ZNFX1: variants seen among roughly 807,000 people sequenced by gnomAD.
The protein encoded by ZNFX1 is NFX1-type zinc finger-containing protein 1.
A neutral mutation model predicts 179.8 loss-of-function variants in ZNFX1; 78 were observed. The ratio of observed to expected loss-of-function variants is 0.43; its 90% CI spans 0.36 to 0.52. ZNFX1 has a LOEUF of 0.52. Among genes scored for constraint, ZNFX1 ranks in the 20% least tolerant of loss-of-function variants. ZNFX1 has a pLI of 0.00. For synonymous variants in ZNFX1, 848 were observed against 868.5 expected, an observed-to-expected ratio of 0.98 and a Z score of 0.42; for missense variants, 1,927 against 2,386.6, an observed-to-expected ratio of 0.81 and a Z score of 4.01.
chr20:49,277,599 G>C (rs972722058), intron 1 of ZNFX1, among the ~76,000 whole-genome samples: 1 of 151,646 alleles, frequency 6.6e-6, no homozygotes, highest in African/African-American at 2.4e-5. Flanking sequence ...GGTGTCGGGG[G>C]TGCTGGGGAG....
chr20:49,271,695 T>G lies in ZNFX1; in HGVS notation c.117A>C (p.Pro39=). Residue 39 remains proline, a synonymous_variant, in exon 3 of 14, where the codon CCA becomes CCC. Transcript: ENST00000396105. ...PRARNQANNP[P]ANALRGGASH... is the part of the protein sequence containing the mutation. ...TGGCTCCTCCTCGGAGAGCATTGGC[T>G]GGTGGGTTATTGGCCTGATTTCTAG... is the stretch of plus-strand genomic sequence containing the variant. The G allele has an allele frequency of 1.2e-6, 2 of 1,613,722 alleles. No individual in the cohort carries two copies. Among genetic ancestry groups the G allele is most frequent in the Non-Finnish European group, 8.5e-7 (1 of 1,179,860 alleles).
chr20:49,259,722 C>A (rs559931069), intron 7 of ZNFX1, among the ~76,000 whole-genome samples: 2 of 152,328 alleles, frequency 1.3e-5, no homozygotes, highest in African/African-American at 4.8e-5. Context: ...GGCCACTATG[C>A]CCGGCTAACT....
At chr20:49,250,488 TTTA>T (rs1297425264) in intron 13 of ZNFX1, among the ~76,000 whole-genome samples, 3 of 152,206 alleles carry the variant, frequency 2.0e-5, no homozygotes, top group Non-Finnish European at 2.9e-5. Flanking sequence ...ATTTATTTAT[TTTA>T]AAAAAAGAGA....
chr20:49,277,445 C>T (rs1360723554), intron 1 of ZNFX1, among the ~76,000 whole-genome samples: 1 of 144,198 alleles, frequency 6.9e-6, no homozygotes, highest in Non-Finnish European at 1.5e-5. Flanking sequence ...GAAGGGGGTG[C>T]CGAGGTGCTC....
chr20:49,247,366 G>T lies in ZNFX1; in HGVS notation c.5658C>A (p.Ser1886Arg). The T allele has an allele frequency of 6.2e-7, 1 of 1,614,204 alleles. No homozygotes were observed. The highest frequency in any genetic ancestry group is 8.5e-7 in the Non-Finnish European group (1 of 1,180,044). ...CATCCATTTCAGAAGCAAGCTGGTT[G>T]CTTCTTTCCAGAGTATGATTTGTGC... Reference protein sequence around the residue: ...IGGTNHTLERSNQLASEMDGA... With the variant: ...IGGTNHTLERRNQLASEMDGA... Residue 1886 changes from serine to arginine, a missense_variant, in exon 14 of 14, where the codon AGC becomes AGA. Transcript: ENST00000396105.
At chr20:49,262,532 G>A (rs912077420) in intron 6 of ZNFX1, among the ~76,000 whole-genome samples, 1 of 152,114 alleles carries the variant, frequency 6.6e-6, no homozygotes, top group African/African-American at 2.4e-5. Flanking sequence ...GCTGGAGCTG[G>A]GTTGCTACCA....
chr20:49,264,674 T>C (rs756311856), intron 5 of ZNFX1, 42 bp downstream of exon 5: 1 of 1,603,906 alleles, frequency 6.2e-7, no homozygotes, highest in Admixed American at 1.7e-5. Flanking sequence ...CTTGTTTAGG[T>C]CCCTCTTGAA....
In ZNFX1 at chr20:49,262,015, A is replaced by C. The variant is rs117119376; in HGVS notation, c.2301+1319T>G. ...CCCTGAACTTAAAAGTTAAAAAAAAAATTAAAAAAGAAACATCATATTGTT... is the reference window on the plus strand; with the variant it reads ...CCCTGAACTTAAAAGTTAAAAAAAACATTAAAAAAGAAACATCATATTGTT... On this transcript the variant is annotated intron_variant, in intron 6 of 13. Coordinates refer to ENST00000396105, the MANE Select transcript of ZNFX1 (RefSeq NM_021035.3). 2.0e-3 allele frequency among the ~76,000 whole-genome samples: 281 copies of C among 141,850 alleles called. 1 individual carries two copies. Among genetic ancestry groups the C allele is most frequent in the Non-Finnish European group, 3.6e-3 (231 of 65,068 alleles). 93.1% of individuals were successfully genotyped at this position (141,850 alleles called of 152,430 possible). A position where few individuals can be genotyped will look rare whatever the true frequency, so the allele number is the denominator to read the frequency against.
intron 1 of ZNFX1, among the ~76,000 whole-genome samples, chr20:49,277,730 A>G: frequency 1.8e-5 from 2 of 108,306 alleles, no homozygotes; most frequent in African/African-American, 3.6e-5. Context: ...TAGGCGATGG[A>G]GGTCTGGGGT....
Position 49,251,582 on chromosome 20 carries a change from T to G in ZNFX1, c.3257A>C (p.His1086Pro), listed in dbSNP as rs1600985249. Reference sequence around the variant, plus strand: ...ATGATTCTCCAGATCCTGGTAAATGTGGGGGGTCAAAAGGCGGGCAATTTC... The same window carrying G: ...ATGATTCTCCAGATCCTGGTAAATGGGGGGGGTCAAAAGGCGGGCAATTTC... The part of the protein sequence containing the change: ...CPEIARLLTP[H>P]IYQDLENHPS... The change falls in exon 13 of 14, where the codon CAC becomes CCC. Residue 1086 changes from histidine (H) to proline (P), a missense_variant. Coordinates refer to ENST00000396105, the MANE Select transcript of ZNFX1 (RefSeq NM_021035.3). The G allele has an allele frequency of 6.2e-7, 1 of 1,612,580 alleles. No homozygotes were observed. Among genetic ancestry groups the G allele is most frequent in the Non-Finnish European group, 8.5e-7 (1 of 1,179,292 alleles).
At chr20:49,275,140 T>A (rs1293723511) in intron 2 of ZNFX1, among the ~76,000 whole-genome samples, 1 of 151,528 alleles carries the variant, frequency 6.6e-6, no homozygotes, top group Non-Finnish European at 1.5e-5. Context: ...AAAAATAAAA[T>A]AAAAAATAAA....
rs143569073 is a variant in ZNFX1 at position 49,248,770 on chromosome 20, A to G, written c.4254T>C (p.His1418=). 2.1e-5 allele frequency: 34 copies of G among 1,613,992 alleles called. No homozygotes were observed. In the African/African-American group the frequency reaches 4.4e-4, roughly 21 times the overall value. The change falls in exon 14 of 14, where the codon CAT becomes CAC. Residue 1418 remains histidine (H), a synonymous_variant. Transcript: ENST00000396105. This position sits in a 1 kb window ranked among gnomAD's most constrained non-coding sequence, Gnocchi z 4.6. The part of the protein sequence containing the change: ...CGHSQPVKCG[H]VEGLLYGGLL... Reference sequence around the variant, plus strand: ...GACCACCATACAGGAGGCCTTCCACATGACCACATTTTACCGGTTGACTGT... The same window carrying G: ...GACCACCATACAGGAGGCCTTCCACGTGACCACATTTTACCGGTTGACTGT...
chr20:49,256,305 T>TACTAGC (rs1212890525), intron 8 of ZNFX1, among the ~76,000 whole-genome samples: 1 of 152,236 alleles, frequency 6.6e-6, no homozygotes, highest in East Asian at 1.9e-4. Context: ...TTTATACTAG[T>TACTAGC]ACTAGCACTA....
In ZNFX1 at chr20:49,248,152, C is replaced by T; in HGVS notation, c.4872G>A (p.Val1624=). Residue 1624 remains valine (V), a synonymous_variant, in exon 14 of 14, where the codon GTG becomes GTA. Coordinates refer to ENST00000396105, the MANE Select transcript of ZNFX1 (RefSeq NM_021035.3). This position sits in a 1 kb window ranked among gnomAD's most constrained non-coding sequence, Gnocchi z 4.6. ...IRLKVCPICQ[V]PIRKNLRYGT... ...CATACCTCAGGTTTTTGCGGATGGG[C>T]ACCTGGCAGATAGGGCAGACTTTCA... The T allele has an allele frequency of 6.2e-7, 1 of 1,614,126 alleles. No homozygotes were observed.
At position 49,272,742 on chromosome 20, in the gene ZNFX1, G is replaced by C. The variant is rs138783962; in HGVS notation, c.62-992C>G. Among the ~76,000 whole-genome samples the C allele has an allele frequency of 4.5e-3, 688 of 152,194 alleles. 5 individuals are homozygous for C. Among genetic ancestry groups the C allele is most frequent in the African/African-American group, 0.015 (634 of 41,506 alleles). ...GTTTGAATGGGAAAGAGAAAGGTGG[G>C]GTTTCCTTACCAAGATGTTTTTGAG... On this transcript the variant is annotated intron_variant, in intron 2 of 13. Coordinates refer to ENST00000396105, the MANE Select transcript of ZNFX1 (RefSeq NM_021035.3).
chr20:49,263,574 GA>G, intron 5 of ZNFX1, 91 bp from the exon 6 acceptor site: 3 of 1,416,778 alleles, frequency 2.1e-6, no homozygotes, highest in East Asian at 5.0e-5. Flanking sequence ...GCTAAGACAG[GA>G]ACAGTAAGGA....
Position 49,270,306 on chromosome 20 carries a change from A to G in ZNFX1, c.1506T>C (p.Ser502=), listed in dbSNP as rs187840992. 2.5e-6 allele frequency: 4 copies of G among 1,614,128 alleles called. No homozygotes were observed. In the African/African-American group the frequency reaches 5.3e-5, roughly 22 times the overall value. The stretch of plus-strand genomic sequence containing the variant: ...ATGCAGTTGTCTCTACCATGAGGAA[A>G]GAGTCAGAGGGCTGGACCTCTGCTA... ...QLLAEVQPSD[S]FLMVETTAYF... Residue 502 remains serine (S), a synonymous_variant, in exon 3 of 14, where the codon TCT becomes TCC. Coordinates refer to ENST00000396105, the MANE Select transcript of ZNFX1 (RefSeq NM_021035.3). This position sits in a 1 kb window ranked among gnomAD's most constrained non-coding sequence, Gnocchi z 4.6.
At chr20:49,257,744 C>T in intron 7 of ZNFX1, 80 bp from the exon 8 acceptor site, 4 of 1,476,946 alleles carry the variant, frequency 2.7e-6, no homozygotes, top group Non-Finnish European at 3.6e-6. Flanking sequence ...CTCTTTTGCC[C>T]AGGGTGGAGT....
intron 6 of ZNFX1, among the ~76,000 whole-genome samples, chr20:49,261,159 A>G (rs1981101886): frequency 1.3e-5 from 2 of 152,086 alleles, no homozygotes; most frequent in Admixed American, 6.5e-5. Context: ...GCTTGAGCCC[A>G]GGAGGCCGAG....
Sources: gnomAD v4.1 joint callset for allele counts (sites outside exome capture counted in the v4.1 genomes callset) on GRCh38, gnomAD v4.1.1 for gene constraint, Gnocchi (gnomAD v3.1) non-coding constraint, MANE v1.5 for transcripts, NCBI Gene and HGNC (gene_info 2026-07-23, HGNC 2026-07-21) for gene names.